The following GRIK1 variants were observed in gnomAD, a reference collection of about 807,000 sequenced individuals.
The protein encoded by GRIK1 is glutamate receptor ionotropic, kainate 1.
In GRIK1, 69 loss-of-function variants were observed where a neutral mutation model predicts 105.7. The observed-to-expected ratio is 0.65, with a 90% CI of 0.54 to 0.80. GRIK1 has a LOEUF of 0.80. Ranked by LOEUF, GRIK1 falls within the 30% of genes least tolerant of loss-of-function variation. The pLI is 0.00. For synonymous variants in GRIK1, 438 were observed against 431.3 expected (o/e 1.02, Z -0.19); for missense variants, 1,109 against 1,167.3 (o/e 0.95, Z 0.73).
At chr21:29,733,154 A>G (rs1481216924) in intron 1 of GRIK1, among the ~76,000 whole-genome samples, 1 of 152,076 alleles carries the variant, frequency 6.6e-6, no homozygotes, top group African/African-American at 2.4e-5. Flanking sequence ...AGATTTTTCT[A>G]TGCTTTGATT....
At chr21:29,634,089 A>G (rs1281660760) in intron 7 of GRIK1, among the ~76,000 whole-genome samples, 15 of 152,188 alleles carry the variant, frequency 9.9e-5, no homozygotes, top group Admixed American at 9.8e-4. Context: ...TTTTACCCAG[A>G]TCCCATACAA....
At chr21:29,730,479 A>C (rs2064586808) in intron 1 of GRIK1, among the ~76,000 whole-genome samples, 1 of 152,160 alleles carries the variant, frequency 6.6e-6, no homozygotes. Context: ...TCAGAGTGAA[A>C]ATTTCTGAGA....
intron 1 of GRIK1, among the ~76,000 whole-genome samples, chr21:29,871,731 G>A (rs1356362768): frequency 6.6e-6 from 1 of 150,696 alleles, no homozygotes; most frequent in East Asian, 1.9e-4. Flanking sequence ...ATAAGGAAAA[G>A]TGACTACTAC....
At chr21:29,546,168 C>A (rs2090047015) in intron 16 of GRIK1, among the ~76,000 whole-genome samples, 1 of 152,200 alleles carries the variant, frequency 6.6e-6, no homozygotes, top group African/African-American at 2.4e-5. Context: ...CATCCACACA[C>A]CCTGTGTCTT....
chr21:29,576,930 G>T (rs879544986), intron 14 of GRIK1, 34 bp downstream of exon 14: 8 of 1,136,786 alleles, frequency 7.0e-6, no homozygotes, highest in Non-Finnish European at 9.3e-6. Flanking sequence ...ACAAGTATCA[G>T]ATAATCACTG....
intron 1 of GRIK1, among the ~76,000 whole-genome samples, chr21:29,765,892 CCCAGG>C (rs199737182): frequency 0.035 from 5,295 of 151,806 alleles, 150 homozygotes; most frequent in Middle Eastern, 0.086. Flanking sequence ...CGCTCTGTCA[CCCAGG>C]CTGGAGTGCA....
intron 1 of GRIK1, among the ~76,000 whole-genome samples, chr21:29,734,312 G>A (rs1224512471): frequency 6.6e-6 from 1 of 152,044 alleles, no homozygotes; most frequent in East Asian, 1.9e-4. Context: ...TACAGACAGA[G>A]TGATCCTTTT....
intron 1 of GRIK1, among the ~76,000 whole-genome samples, chr21:29,769,160 C>A (rs1236630634): frequency 6.6e-6 from 1 of 151,614 alleles, no homozygotes; most frequent in Non-Finnish European, 1.5e-5. Flanking sequence ...TTGTGACAAG[C>A]AAAAAAAGAC....
intron 1 of GRIK1, among the ~76,000 whole-genome samples, chr21:29,749,644 T>G (rs2065133421): frequency 6.6e-6 from 1 of 152,242 alleles, no homozygotes; most frequent in South Asian, 2.1e-4. Context: ...TAATGTGAAT[T>G]CATGTGCAGC....
intron 14 of GRIK1, among the ~76,000 whole-genome samples, chr21:29,575,289 A>T (rs1663221956): frequency 6.6e-6 from 1 of 152,118 alleles, no homozygotes; most frequent in African/African-American, 2.4e-5. Context: ...AGTCCACTCA[A>T]AAAATAATAG....
At chr21:29,789,006 G>A (rs1462497730) in intron 1 of GRIK1, among the ~76,000 whole-genome samples, 1 of 152,186 alleles carries the variant, frequency 6.6e-6, no homozygotes, top group African/African-American at 2.4e-5. Flanking sequence ...CATTGGTTGG[G>A]GACCTCTGTT....
chr21:29,903,659 T>C (rs1314919901), intron 1 of GRIK1, among the ~76,000 whole-genome samples: 1 of 152,002 alleles, frequency 6.6e-6, no homozygotes, highest in East Asian at 1.9e-4. Flanking sequence ...TGTGGAAAAA[T>C]AGAAACGCTT....
In GRIK1 at chr21:29,694,085, A is replaced by G. The variant is rs779549693; in HGVS notation, c.119-22T>C. 1.4e-5 allele frequency: 21 copies of G among 1,456,822 alleles called. No homozygotes were observed. In the East Asian group the frequency reaches 4.6e-4, roughly 32 times the overall value. The allele number at this position is 1,456,822 out of a possible 1,614,324, so 90.2% of individuals were successfully genotyped here. ...CCTCCTGCAGAAGCAAAAGAGATGC[A>G]TGAGAAGCGTTAGTCACATGGTTCA... On this transcript the variant is annotated intron_variant, in intron 1 of 17. Coordinates refer to ENST00000327783, the MANE Select transcript of GRIK1 (RefSeq NM_001330994.2).
At chr21:29,696,261 T>C (rs1303219186) in intron 1 of GRIK1, among the ~76,000 whole-genome samples, 1 of 152,194 alleles carries the variant, frequency 6.6e-6, no homozygotes, top group Non-Finnish European at 1.5e-5. Flanking sequence ...GAAAATTGTA[T>C]GACAATACAC....
chr21:29,643,565 A>T (rs1324669020), intron 6 of GRIK1, among the ~76,000 whole-genome samples: 1 of 152,230 alleles, frequency 6.6e-6, no homozygotes, highest in Non-Finnish European at 1.5e-5. Flanking sequence ...TGCTCAGAAC[A>T]TGCCTCCTCT....
chr21:29,805,967 A>T (rs2066852840), intron 1 of GRIK1, among the ~76,000 whole-genome samples: 1 of 152,150 alleles, frequency 6.6e-6, no homozygotes, highest in Non-Finnish European at 1.5e-5. Flanking sequence ...CATATAAGAA[A>T]CCAAACATGC....
intron 1 of GRIK1, among the ~76,000 whole-genome samples, chr21:29,899,500 G>A (rs1248542492): frequency 1.3e-5 from 2 of 151,506 alleles, no homozygotes; most frequent in Non-Finnish European, 2.9e-5. Flanking sequence ...GTCATGTAAG[G>A]AAGTATAGTA....
intron 1 of GRIK1, among the ~76,000 whole-genome samples, chr21:29,863,997 C>G (rs2068727181): frequency 1.3e-5 from 2 of 152,132 alleles, no homozygotes; most frequent in Admixed American, 6.6e-5. Flanking sequence ...TTGTCTAGGT[C>G]TGCCATATCG....
At chr21:29,750,939 G>A (rs1289896824) in intron 1 of GRIK1, among the ~76,000 whole-genome samples, 2 of 152,194 alleles carry the variant, frequency 1.3e-5, no homozygotes, top group Non-Finnish European at 1.5e-5. Flanking sequence ...AGTCAGCGAA[G>A]GGAGATAGGG....
Sources: gnomAD v4.1 joint callset for allele counts (sites outside exome capture counted in the v4.1 genomes callset) on GRCh38, gnomAD v4.1.1 for gene constraint, MANE v1.5 for transcripts, NCBI Gene and HGNC (gene_info 2026-07-23, HGNC 2026-07-21) for gene names.